The following NAALADL2 variants were observed in gnomAD, a reference collection of about 807,000 sequenced individuals.
The protein encoded by NAALADL2 is inactive N-acetylated-alpha-linked acidic dipeptidase-like protein 2.
Under a neutral mutation model 87.2 loss-of-function variants are expected in NAALADL2, and 76 were observed. The ratio of observed to expected loss-of-function variants is 0.87; its 90% CI spans 0.72 to 1.05. NAALADL2 has a LOEUF of 1.05. NAALADL2 is among the 50% of genes least tolerant of loss of function. NAALADL2 has a pLI of 0.00. For missense variants in NAALADL2, 1,089 were observed against 945.8 expected, an observed-to-expected ratio of 1.15 and a Z score of -1.99; for synonymous variants, 354 against 331.0, an observed-to-expected ratio of 1.07 and a Z score of -0.75.
intron 5 of NAALADL2, among the ~76,000 whole-genome samples, chr3:175,428,187 T>C (rs990660304): frequency 1.3e-5 from 2 of 152,132 alleles, no homozygotes; most frequent in Non-Finnish European, 2.9e-5. Context: ...GAGTACTTGA[T>C]GGCATACAGC....
chr3:174,565,772 A>G (rs1714183247), intron 2 of NAALADL2, among the ~76,000 whole-genome samples: 1 of 151,978 alleles, frequency 6.6e-6, no homozygotes, highest in Non-Finnish European at 1.5e-5. Context: ...TGTCTGTACC[A>G]TTTTGTATTT....
chr3:174,629,275 G>A (rs1336099839), intron 2 of NAALADL2, among the ~76,000 whole-genome samples: 2 of 152,138 alleles, frequency 1.3e-5, no homozygotes, highest in Admixed American at 6.6e-5. Flanking sequence ...TGATTAATTC[G>A]AGGGGTATGA....
intron 1 of NAALADL2, among the ~76,000 whole-genome samples, chr3:174,890,179 TAAAGAA>T (rs66497028): frequency 0.2 from 30,821 of 151,794 alleles, 3,105 homozygotes; most frequent in East Asian, 0.29. Flanking sequence ...TGTATAGTAA[TAAAGAA>T]AAAGAAATTT....
intron 3 of NAALADL2, among the ~76,000 whole-genome samples, chr3:174,742,223 TTGGGTAG>T (rs1176758945): frequency 6.6e-6 from 1 of 151,686 alleles, no homozygotes; most frequent in Non-Finnish European, 1.5e-5. Flanking sequence ...AGATACTATT[TTGGGTAG>T]TGGCAGAATA....
intron 11 of NAALADL2, among the ~76,000 whole-genome samples, chr3:175,632,307 T>C (rs867689333): frequency 5.8e-4 from 82 of 140,678 alleles, no homozygotes; most frequent in Middle Eastern, 3.5e-3. Context: ...TCTCTCTCTC[T>C]CTCCTACTCC....
chr3:175,801,945 G>T (rs1001670300), intron 13 of NAALADL2, among the ~76,000 whole-genome samples: 1 of 151,978 alleles, frequency 6.6e-6, no homozygotes, highest in Non-Finnish European at 1.5e-5. Flanking sequence ...GTGAGAAGAT[G>T]GTATTCTAGA....
At chr3:174,742,250 A>G (rs1030543692) in intron 3 of NAALADL2, among the ~76,000 whole-genome samples, 14 of 151,738 alleles carry the variant, frequency 9.2e-5, no homozygotes, top group African/African-American at 3.1e-4. Flanking sequence ...AAAGGTGAAT[A>G]TGCTACCATA....
At chr3:175,494,537 A>G (rs186185010) in intron 9 of NAALADL2, among the ~76,000 whole-genome samples, 16 of 152,248 alleles carry the variant, frequency 1.1e-4, no homozygotes, top group African/African-American at 2.6e-4. Flanking sequence ...ATGGAAGGTC[A>G]GTTTCTTCAG....
rs1043640078 is a variant in NAALADL2 at position 174,958,611 on chromosome 3, G to A, written c.43+99161G>A. ...TAGTTTTTCTTTGTGAATCTTCTAC[G>A]TGAAACAAGTGCCAGCACAAGGAGA... On this transcript the variant is annotated intron_variant, in intron 1 of 13. Transcript: ENST00000454872. 4.6e-5 allele frequency among the ~76,000 whole-genome samples: 7 copies of A among 152,116 alleles called. No individual in the cohort carries two copies. In the East Asian group the frequency reaches 1.2e-3, roughly 25 times the overall value.
chr3:174,956,408 CTG>C (rs1254900117), intron 1 of NAALADL2, among the ~76,000 whole-genome samples: 2 of 152,178 alleles, frequency 1.3e-5, no homozygotes, highest in Non-Finnish European at 2.9e-5. Context: ...AGGCAGAGTC[CTG>C]TAGACTTTCT....
intron 1 of NAALADL2, among the ~76,000 whole-genome samples, chr3:175,000,755 A>T (rs6804678): frequency 0.052 from 7,921 of 152,282 alleles, 670 homozygotes; most frequent in African/African-American, 0.18. Flanking sequence ...TATTAACACC[A>T]ACCATTTAAA....
chr3:175,363,951 A>G (rs1297915098), intron 5 of NAALADL2, among the ~76,000 whole-genome samples: 2 of 148,234 alleles, frequency 1.3e-5, no homozygotes, highest in African/African-American at 4.9e-5. Flanking sequence ...CAGATTTGAC[A>G]TTCGATTTGA....
At chr3:175,560,979 C>T (rs1044625970) in intron 9 of NAALADL2, among the ~76,000 whole-genome samples, 12 of 152,110 alleles carry the variant, frequency 7.9e-5, no homozygotes, top group African/African-American at 9.7e-5. Context: ...TAAGGCGAGA[C>T]GACAGACTAT....
At chr3:175,619,266 AGG>A (rs1491355046) in intron 10 of NAALADL2, among the ~76,000 whole-genome samples, 3,005 of 87,528 alleles carry the variant, frequency 0.034, 37 homozygotes, top group Non-Finnish European at 0.051. Flanking sequence ...GAAGGAAGGA[AGG>A]AGAAGGAAAG....
intron 2 of NAALADL2, among the ~76,000 whole-genome samples, chr3:174,576,872 T>C (rs192149691): frequency 3.9e-5 from 6 of 152,310 alleles, no homozygotes; most frequent in East Asian, 1.9e-4. Flanking sequence ...TGCAATGTGA[T>C]AGAGTAAAAT....
intron 1 of NAALADL2, among the ~76,000 whole-genome samples, chr3:174,949,278 A>G (rs1739960335): frequency 6.6e-6 from 1 of 152,146 alleles, no homozygotes; most frequent in Admixed American, 6.6e-5. Flanking sequence ...GTAGGGTTTC[A>G]GGTGCAAGTG....
At chr3:174,699,805 T>A (rs1170369995) in intron 2 of NAALADL2, among the ~76,000 whole-genome samples, 1 of 151,516 alleles carries the variant, frequency 6.6e-6, no homozygotes, top group Non-Finnish European at 1.5e-5. Context: ...AATTTTAATC[T>A]GTGGAACATT....
At chr3:175,144,030 T>G (rs1438256954) in intron 2 of NAALADL2, among the ~76,000 whole-genome samples, 2 of 151,936 alleles carry the variant, frequency 1.3e-5, no homozygotes, top group African/African-American at 4.8e-5. Context: ...AAATCGTGAA[T>G]GAGGACTTTT....
At chr3:174,456,411 C>CAAAAAAAAAAAAAAAAAAAAAAA (rs59833697) in intron 1 of NAALADL2, among the ~76,000 whole-genome samples, 2 of 56,396 alleles carry the variant, frequency 3.5e-5, no homozygotes, top group Non-Finnish European at 3.3e-5. Context: ...CAATCCTAAG[C>CAAAAAAAAAAAAAAAAAAAAAAA]AAAAAAAAAA....
Sources: gnomAD v4.1 joint callset for allele counts (sites outside exome capture counted in the v4.1 genomes callset) on GRCh38, gnomAD v4.1.1 for gene constraint, MANE v1.5 for transcripts, NCBI Gene and HGNC (gene_info 2026-07-23, HGNC 2026-07-21) for gene names.